SPSB4: variants seen among roughly 807,000 people sequenced by gnomAD.
SPSB4 encodes the protein splA/ryanodine receptor domain and SOCS box containing 4.
SPSB4 carries 21 observed loss-of-function variants against 20.9 expected under a neutral mutation model. The ratio of observed to expected loss-of-function variants is 1.01; its 90% CI spans 0.71 to 1.45. SPSB4 has a LOEUF of 1.45. SPSB4 is among the 40% of genes most tolerant of loss of function. The pLI is 0.00. For missense variants in SPSB4, 399 were observed against 399.2 expected (o/e 1.00, Z 0.00); for synonymous variants, 207 against 183.8 (o/e 1.13, Z -1.02).
intron 2 of SPSB4, chr3:141,123,984 T>G (rs1939012394): frequency 6.6e-6 from 1 of 152,300 alleles, no homozygotes; most frequent in African/African-American, 2.4e-5. Context: ...GAACTGGTGC[T>G]GTGTGTTACT....
chr3:141,069,005 T>C (rs1937942829), intron 2 of SPSB4, among the ~76,000 whole-genome samples: 1 of 152,200 alleles, frequency 6.6e-6, no homozygotes, highest in African/African-American at 2.4e-5. Flanking sequence ...ACCTCCTCCT[T>C]ACTGGCAGTG....
At chr3:141,095,125 G>A (rs1309230505) in intron 2 of SPSB4, among the ~76,000 whole-genome samples, 1 of 152,112 alleles carries the variant, frequency 6.6e-6, no homozygotes, top group Admixed American at 6.5e-5. Flanking sequence ...AGAGGCCGAG[G>A]CAGGCCAGGG....
chr3:141,071,270 G>T (rs1937996964), intron 2 of SPSB4, among the ~76,000 whole-genome samples: 1 of 152,172 alleles, frequency 6.6e-6, no homozygotes, highest in Non-Finnish European at 1.5e-5. Context: ...CTCTCCACAT[G>T]CAGGCGGCAG....
intron 2 of SPSB4, among the ~76,000 whole-genome samples, chr3:141,134,060 T>C (rs1420716285): frequency 1.3e-4 from 18 of 142,324 alleles, no homozygotes; most frequent in African/African-American, 3.4e-4. Flanking sequence ...TTTTTTCTTT[T>C]TTTTTTTTTT....
At position 141,135,338 on chromosome 3, in the gene SPSB4, T is replaced by TTTATTATTATTATTA. The variant is rs56836958; in HGVS notation, c.695-11793_695-11779dup. Among the ~76,000 whole-genome samples, 1,038 of 148,836 alleles carry TTTATTATTATTATTA rather than the reference T, an allele frequency of 7.0e-3. 7 individuals carry two copies. Among genetic ancestry groups the TTTATTATTATTATTA allele is most frequent in the Admixed American group, 0.015 (226 of 14,776 alleles). ...CATTTGGGTCACTTCCAGTTTTTCTTTTATTATTATTATTATTATTATTAT... is the reference window on the plus strand; with the variant it reads ...CATTTGGGTCACTTCCAGTTTTTCTTTTATTATTATTATTATTATTATTATTATTATTATTATTAT... On this transcript the variant is annotated intron_variant, in intron 2 of 2. Transcript: ENST00000310546.
intron 1 of SPSB4, among the ~76,000 whole-genome samples, chr3:141,065,616 T>A (rs1937849036): frequency 6.6e-6 from 1 of 152,262 alleles, no homozygotes; most frequent in Non-Finnish European, 1.5e-5. Context: ...TGAAGCCAGA[T>A]GACCTTGGTT....
intron 1 of SPSB4, among the ~76,000 whole-genome samples, chr3:141,055,877 A>T (rs1937628533): frequency 6.6e-6 from 1 of 152,196 alleles, no homozygotes; most frequent in South Asian, 2.1e-4. Context: ...ATTTGAAACA[A>T]CACCCAGGCA....
chr3:141,111,354 C>CTTTTTTTTT (rs34223433), intron 2 of SPSB4, among the ~76,000 whole-genome samples: 4 of 61,810 alleles, frequency 6.5e-5, no homozygotes, highest in African/African-American at 1.3e-4. Flanking sequence ...CTGGAACTTG[C>CTTTTTTTTT]TTTTTTTTTT....
At chr3:141,102,900 G>A (rs1938633721) in intron 2 of SPSB4, among the ~76,000 whole-genome samples, 1 of 152,108 alleles carries the variant, frequency 6.6e-6, no homozygotes, top group Non-Finnish European at 1.5e-5. Flanking sequence ...CTGCCCATGA[G>A]GAAGAGGCCA....
intron 1 of SPSB4, among the ~76,000 whole-genome samples, chr3:141,060,109 G>A (rs1370326027): frequency 6.6e-6 from 1 of 152,192 alleles, no homozygotes; most frequent in African/African-American, 2.4e-5. Context: ...ACACCACAGT[G>A]TGAGCACTCT....
chr3:141,112,371 C>T (rs949053544), intron 2 of SPSB4, among the ~76,000 whole-genome samples: 7 of 152,228 alleles, frequency 4.6e-5, no homozygotes, highest in South Asian at 2.1e-4. Context: ...GGAGGCCGGG[C>T]GCGGTGGCTC....
At chr3:141,133,531 A>G (rs1333108204) in intron 2 of SPSB4, among the ~76,000 whole-genome samples, 5 of 152,246 alleles carry the variant, frequency 3.3e-5, no homozygotes, top group African/African-American at 1.2e-4. Context: ...TCCCAGCACC[A>G]TTTGTTGAAT....
At chr3:141,077,165 C>G (rs1938130735) in intron 2 of SPSB4, 1 of 152,252 alleles carries the variant, frequency 6.6e-6, no homozygotes, top group Non-Finnish European at 1.5e-5. Flanking sequence ...CTTAATGGCC[C>G]TTCTTCGTCA....
At chr3:141,064,350 G>A (rs1052672510) in intron 1 of SPSB4, among the ~76,000 whole-genome samples, 4 of 152,120 alleles carry the variant, frequency 2.6e-5, no homozygotes, top group African/African-American at 4.8e-5. Context: ...GGGTGATTTC[G>A]GATATGAAAA....
chr3:141,147,238 A>T lies in SPSB4; in HGVS notation c.791A>T (p.Gln264Leu), dbSNP rs752670532. 2.5e-6 allele frequency: 4 copies of T among 1,614,218 alleles called. No individual in the cohort carries two copies. The East Asian group carries it at 8.9e-5, about 36-fold the overall frequency. The part of the protein sequence containing the change: ...LQDISSLPLP[Q>L]SLKNYLQYQ ...GACATCAGCTCCCTGCCCCTGCCTC[A>T]GTCTCTCAAAAACTATCTGCAGTAC... The change falls in exon 3 of 3, where the codon CAG becomes CTG. Residue 264 changes from glutamine to leucine, a missense_variant. Gln to Leu is a moderately radical substitution (Grantham distance 113). Transcript: ENST00000310546.
At chr3:141,142,803 C>CTTTTTTTTTTTTTTTTTTTTTTTTTTTT (rs57674247) in intron 2 of SPSB4, among the ~76,000 whole-genome samples, 2 of 61,992 alleles carry the variant, frequency 3.2e-5, no homozygotes, top group African/African-American at 1.0e-4. Flanking sequence ...CCCTCTTTGT[C>CTTTTTTTTTTTTTTTTTTTTTTTTTTTT]TTTTTTTTTT....
At chr3:141,110,146 CA>C (rs1050938819) in intron 2 of SPSB4, among the ~76,000 whole-genome samples, 1 of 152,142 alleles carries the variant, frequency 6.6e-6, no homozygotes, top group African/African-American at 2.4e-5. Flanking sequence ...TTCAGGAACC[CA>C]GAGGCCTCAG....
chr3:141,099,998 C>G (rs1057252344), intron 2 of SPSB4, among the ~76,000 whole-genome samples: 2 of 152,206 alleles, frequency 1.3e-5, no homozygotes, highest in African/African-American at 4.8e-5. Flanking sequence ...ATCAGCCATA[C>G]AGCAGCCATG....
chr3:141,076,024 A>C (rs1280654051), intron 2 of SPSB4, among the ~76,000 whole-genome samples: 1 of 152,068 alleles, frequency 6.6e-6, no homozygotes, highest in East Asian at 1.9e-4. Context: ...GAGCCACTGC[A>C]CTCCACCCTG....
Sources: gnomAD v4.1 joint callset for allele counts (sites outside exome capture counted in the v4.1 genomes callset) on GRCh38, gnomAD v4.1.1 for gene constraint, MANE v1.5 for transcripts, NCBI Gene and HGNC (gene_info 2026-07-23, HGNC 2026-07-21) for gene names.